MIPOL1: variants seen among roughly 807,000 people sequenced by gnomAD.
The protein encoded by MIPOL1 is mirror-image polydactyly 1.
MIPOL1 carries 57 observed loss-of-function variants against 60.9 expected under a neutral mutation model. The observed-to-expected ratio is 0.94, with a 90% confidence interval of 0.76 to 1.17. The LOEUF is 1.17. MIPOL1 is among the 50% of genes most tolerant of loss of function. The pLI is 0.00. For synonymous variants in MIPOL1, 179 were observed against 168.8 expected, an observed-to-expected ratio of 1.06 and a Z score of -0.47; for missense variants, 551 against 511.6, an observed-to-expected ratio of 1.08 and a Z score of -0.74.
At chr14:37,458,752 G>T (rs1425422189) in intron 11 of MIPOL1, among the ~76,000 whole-genome samples, 2 of 152,068 alleles carry the variant, frequency 1.3e-5, no homozygotes, top group African/African-American at 4.8e-5. Flanking sequence ...TTAGGACGCT[G>T]AGGCAGGAGA....
intron 9 of MIPOL1, among the ~76,000 whole-genome samples, chr14:37,329,483 C>T (rs943943549): frequency 1.3e-5 from 2 of 152,056 alleles, no homozygotes; most frequent in Admixed American, 6.6e-5. Flanking sequence ...ATTTGTCATA[C>T]GAACTTTTAG....
At chr14:37,220,819 G>C (rs993324109) in intron 1 of MIPOL1, among the ~76,000 whole-genome samples, 2 of 151,804 alleles carry the variant, frequency 1.3e-5, no homozygotes, top group African/African-American at 4.8e-5. Flanking sequence ...TCTGTCCCCC[G>C]GGCTGGAGTG....
At chr14:37,430,912 T>G (rs1284472647) in intron 11 of MIPOL1, among the ~76,000 whole-genome samples, 1 of 152,206 alleles carries the variant, frequency 6.6e-6, no homozygotes, top group Non-Finnish European at 1.5e-5. Flanking sequence ...TTCTGCGCCT[T>G]ATTCAACACA....
At chr14:37,494,124 T>A (rs2095084011) in intron 11 of MIPOL1, among the ~76,000 whole-genome samples, 1 of 152,214 alleles carries the variant, frequency 6.6e-6, no homozygotes, top group Non-Finnish European at 1.5e-5. Flanking sequence ...AATATAGCTC[T>A]CCTGCTTCAC....
intron 12 of MIPOL1, among the ~76,000 whole-genome samples, chr14:37,516,869 C>T (rs2095373031): frequency 1.3e-5 from 2 of 152,030 alleles, no homozygotes; most frequent in Non-Finnish European, 2.9e-5. Flanking sequence ...ACAAATGAAG[C>T]TTTATTATCC....
At chr14:37,327,551 C>T (rs965365786) in intron 9 of MIPOL1, among the ~76,000 whole-genome samples, 2 of 152,174 alleles carry the variant, frequency 1.3e-5, no homozygotes, top group African/African-American at 4.8e-5. Context: ...TTCCAAAGTG[C>T]CAGGATTACA....
intron 9 of MIPOL1, among the ~76,000 whole-genome samples, chr14:37,313,780 C>G (rs1206698805): frequency 1.3e-5 from 2 of 152,036 alleles, no homozygotes; most frequent in Non-Finnish European, 2.9e-5. Context: ...GATTATATTG[C>G]CAGGCTTGAT....
intron 3 of MIPOL1, among the ~76,000 whole-genome samples, chr14:37,254,072 A>G (rs1346924022): frequency 6.6e-6 from 1 of 151,730 alleles, no homozygotes; most frequent in Non-Finnish European, 1.5e-5. Flanking sequence ...ACCATCTAGA[A>G]TATTTGAGAG....
intron 12 of MIPOL1, among the ~76,000 whole-genome samples, chr14:37,535,005 ATTACT>A (rs1376717276): frequency 6.6e-6 from 1 of 152,200 alleles, no homozygotes; most frequent in Non-Finnish European, 1.5e-5. Context: ...TTGAAATAAA[ATTACT>A]TTAGTGATAC....
intron 10 of MIPOL1, among the ~76,000 whole-genome samples, chr14:37,418,859 A>G (rs1408038897): frequency 1.5e-4 from 23 of 152,056 alleles, no homozygotes. Flanking sequence ...AAGCGATATC[A>G]TTATAGGCAG....
intron 5 of MIPOL1, 125 bp from the exon 6 acceptor site, chr14:37,270,295 G>C: frequency 2.3e-6 from 1 of 432,784 alleles, no homozygotes; most frequent in Non-Finnish European, 4.2e-6. Context: ...TTTTTCTGGA[G>C]TTATCTATCT....
intron 7 of MIPOL1, among the ~76,000 whole-genome samples, chr14:37,295,738 C>T (rs946166322): frequency 1.3e-5 from 2 of 152,178 alleles, no homozygotes; most frequent in Non-Finnish European, 2.9e-5. Flanking sequence ...GGGATCAGTT[C>T]AACAAGAAGA....
chr14:37,357,245 T>C (rs1300002606), intron 9 of MIPOL1, among the ~76,000 whole-genome samples: 3 of 152,240 alleles, frequency 2.0e-5, no homozygotes, highest in Admixed American at 1.3e-4. Context: ...AGTTTGCAAG[T>C]ATTTTCTCCC....
Position 37,550,617 on chromosome 14 carries a change from C to T in MIPOL1, c.*3646C>T, listed in dbSNP as rs1211701571. The T allele has an allele frequency of 6.6e-6, 1 of 152,224 alleles. No homozygotes were observed. The highest frequency in any genetic ancestry group is 1.5e-5 in the Non-Finnish European group (1 of 67,936). 9.4% of individuals were successfully genotyped at this position (152,224 alleles called of 1,614,324 possible). On this transcript the variant is annotated 3_prime_UTR_variant, in exon 13 of 13. Transcript: ENST00000684589. ...TTTTGTTCATGTTTTATTGGAAATG[C>T]ACGTGGTTTCTTAGGCTTTTAAACA...
At chr14:37,521,967 G>A (rs1256464765) in intron 12 of MIPOL1, among the ~76,000 whole-genome samples, 2 of 148,598 alleles carry the variant, frequency 1.3e-5, no homozygotes, top group Non-Finnish European at 3.0e-5. Context: ...ACCACCTTTG[G>A]CTACATGATC....
intron 7 of MIPOL1, among the ~76,000 whole-genome samples, chr14:37,289,707 G>C (rs1302709018): frequency 1.3e-5 from 2 of 152,132 alleles, no homozygotes; most frequent in Non-Finnish European, 2.9e-5. Context: ...CTTTAATGGA[G>C]ACTTCATTAC....
At chr14:37,243,075 A>C (rs539596086) in intron 1 of MIPOL1, among the ~76,000 whole-genome samples, 2 of 152,360 alleles carry the variant, frequency 1.3e-5, no homozygotes, top group Admixed American at 1.3e-4. Context: ...TTACAAATAA[A>C]AACTGCTGTA....
At chr14:37,199,830 T>C (rs1964939342) in intron 1 of MIPOL1, among the ~76,000 whole-genome samples, 1 of 152,204 alleles carries the variant, frequency 6.6e-6, no homozygotes, top group Non-Finnish European at 1.5e-5. Context: ...TGGCCATATG[T>C]ACATTTTTAT....
intron 7 of MIPOL1, among the ~76,000 whole-genome samples, chr14:37,299,935 C>T (rs140836556): frequency 2.3e-4 from 35 of 152,054 alleles, no homozygotes; most frequent in African/African-American, 7.7e-4. Context: ...AGTTTTGAGG[C>T]ATATTGATCA....
Sources: gnomAD v4.1 joint callset for allele counts (sites outside exome capture counted in the v4.1 genomes callset) on GRCh38, gnomAD v4.1.1 for gene constraint, MANE v1.5 for transcripts, NCBI Gene and HGNC (gene_info 2026-07-23, HGNC 2026-07-21) for gene names.